METTL8: variants seen among roughly 807,000 people sequenced by gnomAD.
The protein encoded by METTL8 is tRNA N(3)-cytidine methyltransferase METTL8, mitochondrial.
Under a neutral mutation model 48.7 loss-of-function variants are expected in METTL8, and 32 were observed. That is an observed-to-expected ratio of 0.66 (90% CI 0.50 to 0.88). The LOEUF (loss-of-function observed/expected upper bound fraction) is 0.88, where lower values mean the gene tolerates loss of function less well. Ranked by LOEUF, METTL8 falls within the 40% of genes least tolerant of loss-of-function variation. The probability of loss-of-function intolerance (pLI) is 0.00; values close to 1 mark genes in which losing one functional copy is unlikely to be tolerated. For missense variants in METTL8, 464 were observed against 474.4 expected (o/e 0.98, Z 0.20); for synonymous variants, 136 against 157.1 (o/e 0.87, Z 1.01).
At chr2:171,375,442 G>A (rs1424667825) in intron 2 of METTL8, among the ~76,000 whole-genome samples, 1 of 152,148 alleles carries the variant, frequency 6.6e-6, no homozygotes, top group African/African-American at 2.4e-5. Context: ...GTGTATGAAA[G>A]TTCCAGTTCC....
intron 2 of METTL8, chr2:171,375,301 A>T: frequency 1.3e-6 from 1 of 793,044 alleles, no homozygotes; most frequent in Non-Finnish European, 2.2e-6. Flanking sequence ...GACCAGAGAT[A>T]TATGTTTATC....
At chr2:171,403,122 C>T (rs183018649) in intron 1 of METTL8, among the ~76,000 whole-genome samples, 2 of 152,246 alleles carry the variant, frequency 1.3e-5, no homozygotes, top group East Asian at 3.9e-4. Flanking sequence ...TGGAACATAA[C>T]TCCTCATTAA....
Position 171,320,732 on chromosome 2 carries a change from G to T in METTL8, c.*3440C>A, listed in dbSNP as rs1467195931. Reference sequence around the variant, plus strand: ...TGTTTATATTTACTGACTTATGCATGTTTAAACAGAAAGCTTGATAATTGT... The same window carrying T: ...TGTTTATATTTACTGACTTATGCATTTTTAAACAGAAAGCTTGATAATTGT... On this transcript the variant is annotated 3_prime_UTR_variant, in exon 10 of 10. Coordinates refer to ENST00000375258, the MANE Select transcript of METTL8 (RefSeq NM_001321154.2). 6.6e-6 allele frequency: 1 copy of T among 152,218 alleles called. No individual in the cohort carries two copies. The highest frequency in any genetic ancestry group is 2.4e-5 in the African/African-American group (1 of 41,452). The allele number at this position is 152,218 out of a possible 1,614,324, so 9.4% of individuals were successfully genotyped here. A position where few individuals can be genotyped will look rare whatever the true frequency, so the allele number is the denominator to read the frequency against.
intron 3 of METTL8, among the ~76,000 whole-genome samples, chr2:171,350,810 G>A (rs1018420048): frequency 1.1e-4 from 17 of 152,140 alleles, no homozygotes; most frequent in African/African-American, 4.1e-4. Context: ...TGATGGGGTT[G>A]TTTGATTTTT....
At chr2:171,390,746 G>A (rs1170012823) in intron 2 of METTL8, among the ~76,000 whole-genome samples, 1 of 152,224 alleles carries the variant, frequency 6.6e-6, no homozygotes. Context: ...AGCAAAGAAA[G>A]TAGTTTCTTG....
chr2:171,332,110 T>A (rs1336751869), intron 5 of METTL8: 2 of 368,312 alleles, frequency 5.4e-6, no homozygotes, highest in African/African-American at 4.1e-5. Context: ...GGTCTTGAAC[T>A]ATTGTTCTCA....
At chr2:171,382,580 GCA>G in intron 2 of METTL8, among the ~76,000 whole-genome samples, 1 of 152,204 alleles carries the variant, frequency 6.6e-6, no homozygotes, top group East Asian at 1.9e-4. Context: ...GGGAGAGACA[GCA>G]TTAGGACAAA....
At chr2:171,325,716 T>A in intron 9 of METTL8, 125 bp downstream of exon 9, 2 of 634,308 alleles carry the variant, frequency 3.2e-6, no homozygotes, top group South Asian at 4.2e-5. Flanking sequence ...CATCAAAGTA[T>A]GAAGACATCT....
rs568560495 is a variant in METTL8 at position 171,382,254 on chromosome 2, C to G, written c.143+9789G>C. 2.6e-5 allele frequency among the ~76,000 whole-genome samples: 4 copies of G among 152,298 alleles called. No individual in the cohort carries two copies. The South Asian group carries it at 8.3e-4, about 32-fold the overall frequency. ...ATTCCACTCTAAAGACACATGCACA[C>G]ATGTGCTTACTGCAGCACTATTTAC... On this transcript the variant is annotated intron_variant, in intron 2 of 9. Transcript: ENST00000375258.
At chr2:171,374,088 G>A (rs562420518) in intron 2 of METTL8, among the ~76,000 whole-genome samples, 397 of 152,206 alleles carry the variant, frequency 2.6e-3, no homozygotes, top group African/African-American at 8.6e-3. Context: ...CCATTTTCAC[G>A]CTATTGATTC....
intron 3 of METTL8, among the ~76,000 whole-genome samples, chr2:171,356,061 A>G (rs1263957324): frequency 6.6e-6 from 1 of 152,148 alleles, no homozygotes; most frequent in Non-Finnish European, 1.5e-5. Context: ...TGCATCGCTC[A>G]TGCTGGGAGC....
rs374186911 is a variant in METTL8 at position 171,377,371 on chromosome 2, A to T, written c.143+14672T>A. On this transcript the variant is annotated intron_variant, in intron 2 of 9. Coordinates refer to ENST00000375258, the MANE Select transcript of METTL8 (RefSeq NM_001321154.2). ...ACAACAAAAAATAAATATAACAAAA[A>T]CAAAAATAAATAAATCAGACCTAGT... Among the ~76,000 whole-genome samples the T allele has an allele frequency of 2.6e-4, 39 of 152,156 alleles. No homozygotes were observed. In the South Asian group the frequency reaches 7.9e-3, roughly 31 times the overall value.
At chr2:171,392,403 C>T (rs1442627047) in intron 1 of METTL8, among the ~76,000 whole-genome samples, 1 of 152,206 alleles carries the variant, frequency 6.6e-6, no homozygotes, top group Non-Finnish European at 1.5e-5. Context: ...GTGGGCAACA[C>T]TGGCTGGCAT....
At chr2:171,324,837 A>G (rs1268331230) in intron 9 of METTL8, among the ~76,000 whole-genome samples, 1 of 152,152 alleles carries the variant, frequency 6.6e-6, no homozygotes, top group Non-Finnish European at 1.5e-5. Context: ...TGAAGCAGGC[A>G]AATCACCTGA....
At chr2:171,369,433 A>G (rs1559124358) in intron 2 of METTL8, among the ~76,000 whole-genome samples, 1 of 152,258 alleles carries the variant, frequency 6.6e-6, no homozygotes, top group Non-Finnish European at 1.5e-5. Context: ...GACATTATAA[A>G]GAGACTTGCA....
intron 3 of METTL8, among the ~76,000 whole-genome samples, chr2:171,348,113 A>G (rs1186970112): frequency 6.6e-6 from 1 of 152,188 alleles, no homozygotes; most frequent in Non-Finnish European, 1.5e-5. Flanking sequence ...TTTGGCCTCA[A>G]TTTGTAGACT....
At chr2:171,417,061 G>A (rs1231275518) in intron 1 of METTL8, among the ~76,000 whole-genome samples, 1 of 152,174 alleles carries the variant, frequency 6.6e-6, no homozygotes, top group Non-Finnish European at 1.5e-5. Flanking sequence ...AGCTTAACAA[G>A]GGAAGTGGAT....
At chr2:171,374,221 G>A (rs1278128962) in intron 2 of METTL8, among the ~76,000 whole-genome samples, 1 of 152,146 alleles carries the variant, frequency 6.6e-6, no homozygotes, top group Non-Finnish European at 1.5e-5. Context: ...AATTGTGAAT[G>A]GGAGTTTACT....
intron 2 of METTL8, among the ~76,000 whole-genome samples, chr2:171,386,504 C>T (rs1183559844): frequency 6.6e-6 from 1 of 152,216 alleles, no homozygotes; most frequent in Non-Finnish European, 1.5e-5. Flanking sequence ...TGGCTCACGC[C>T]TGTAATCCCA....
Sources: gnomAD v4.1 joint callset for allele counts (sites outside exome capture counted in the v4.1 genomes callset) on GRCh38, gnomAD v4.1.1 for gene constraint, MANE v1.5 for transcripts, NCBI Gene and HGNC (gene_info 2026-07-23, HGNC 2026-07-21) for gene names.